NRCAM: variants seen among roughly 807,000 people sequenced by gnomAD.
NRCAM encodes the protein neuronal cell adhesion molecule, also known as NgCAM-related cell adhesion molecule.
Under a neutral mutation model 156.5 loss-of-function variants are expected in NRCAM, and 83 were observed. That is an observed-to-expected ratio of 0.53 (90% CI 0.44 to 0.64). The LOEUF (loss-of-function observed/expected upper bound fraction) is 0.64, where lower values mean the gene tolerates loss of function less well. NRCAM is among the 30% of genes least tolerant of loss of function. The pLI is 0.00. For missense variants in NRCAM, 1,417 were observed against 1,597.3 expected (o/e 0.89, Z 1.92); for synonymous variants, 538 against 563.9 (o/e 0.95, Z 0.65).
At chr7:108,345,973 G>A (rs992234139) in intron 2 of NRCAM, among the ~76,000 whole-genome samples, 8 of 152,210 alleles carry the variant, frequency 5.3e-5, no homozygotes, top group Non-Finnish European at 1.2e-4. Context: ...GGCTGTAGGA[G>A]CCTCTGATGG....
chr7:108,201,023 T>C lies in NRCAM; in HGVS notation c.1208-2924A>G, dbSNP rs573338881. ...GCAGCGAGGCATAAAAGACTATATATTGGGTACAGTGTGTACACTGCTCGG... is the reference window on the plus strand; with the variant it reads ...GCAGCGAGGCATAAAAGACTATATACTGGGTACAGTGTGTACACTGCTCGG... On this transcript the variant is annotated intron_variant, in intron 13 of 32. Coordinates refer to ENST00000379028, the MANE Select transcript of NRCAM (RefSeq NM_001037132.4). Among the ~76,000 whole-genome samples, 13 of 152,090 alleles carry C rather than the reference T, an allele frequency of 8.5e-5. No individual in the cohort carries two copies. The South Asian group carries it at 2.7e-3, about 32-fold the overall frequency.
intron 1 of NRCAM, among the ~76,000 whole-genome samples, chr7:108,419,172 G>A (rs1380043160): frequency 6.6e-6 from 1 of 152,120 alleles, no homozygotes; most frequent in African/African-American, 2.4e-5. Flanking sequence ...ACTGTTCTTA[G>A]AAGATAACGT....
chr7:108,206,584 G>A (rs555412759), intron 13 of NRCAM, among the ~76,000 whole-genome samples: 3 of 152,274 alleles, frequency 2.0e-5, no homozygotes, highest in South Asian at 2.1e-4. Flanking sequence ...TGCTCCTCTC[G>A]GCAGTAGCTG....
chr7:108,327,887 G>A (rs2099086596), intron 2 of NRCAM, among the ~76,000 whole-genome samples: 2 of 152,100 alleles, frequency 1.3e-5, no homozygotes, highest in South Asian at 4.1e-4. Flanking sequence ...CACACAAAAA[G>A]TATTATACTA....
chr7:108,228,878 T>A (rs1454336275), intron 8 of NRCAM, among the ~76,000 whole-genome samples: 2 of 152,250 alleles, frequency 1.3e-5, no homozygotes, highest in Non-Finnish European at 2.9e-5. Context: ...AGCTATATAT[T>A]TGTTTTTTAT....
At chr7:108,203,156 A>G (rs1010008588) in intron 13 of NRCAM, among the ~76,000 whole-genome samples, 1 of 152,080 alleles carries the variant, frequency 6.6e-6, no homozygotes, top group Non-Finnish European at 1.5e-5. Context: ...TAGCAAGTTC[A>G]TTTTCTTTCT....
At chr7:108,301,033 A>G (rs555919892) in intron 3 of NRCAM, among the ~76,000 whole-genome samples, 10 of 152,328 alleles carry the variant, frequency 6.6e-5, no homozygotes, top group Non-Finnish European at 1.2e-4. Flanking sequence ...TATAAATAGA[A>G]GTAAAACACT....
intron 1 of NRCAM, among the ~76,000 whole-genome samples, chr7:108,412,945 CATAG>C (rs1471939885): frequency 1.3e-5 from 2 of 152,116 alleles, no homozygotes; most frequent in African/African-American, 4.8e-5. Flanking sequence ...TCCATTCATC[CATAG>C]ATAAACACTT....
At chr7:108,159,359 G>C in intron 32 of NRCAM, 104 bp downstream of exon 32, 1 of 974,268 alleles carries the variant, frequency 1.0e-6, no homozygotes, top group East Asian at 2.4e-5. Context: ...TTCTATTTGA[G>C]GAAAATATGA....
chr7:108,277,260 TC>T (rs2097671173), intron 3 of NRCAM, among the ~76,000 whole-genome samples: 1 of 152,144 alleles, frequency 6.6e-6, no homozygotes, highest in African/African-American at 2.4e-5. Flanking sequence ...TCTCTGTATT[TC>T]CTGAATTTGA....
At chr7:108,322,324 T>C (rs1045924368) in intron 2 of NRCAM, among the ~76,000 whole-genome samples, 1 of 152,176 alleles carries the variant, frequency 6.6e-6, no homozygotes, top group Non-Finnish European at 1.5e-5. Context: ...TTTGAAGTCT[T>C]TTCATAGTAC....
chr7:108,208,277 C>T (rs1472816174), intron 12 of NRCAM, among the ~76,000 whole-genome samples: 1 of 152,054 alleles, frequency 6.6e-6, no homozygotes, highest in Admixed American at 6.6e-5. Context: ...TACACTCCAG[C>T]CTGGGCAACA....
chr7:108,298,348 C>T (rs1393543344), intron 3 of NRCAM, among the ~76,000 whole-genome samples: 1 of 151,744 alleles, frequency 6.6e-6, no homozygotes, highest in African/African-American at 2.4e-5. Context: ...ACAACCCCCT[C>T]CCCGCCAAAA....
chr7:108,224,902 C>G (rs1171430188), intron 10 of NRCAM, among the ~76,000 whole-genome samples: 3 of 152,060 alleles, frequency 2.0e-5, no homozygotes, highest in Non-Finnish European at 2.9e-5. Flanking sequence ...ATCTTGGTCA[C>G]TGATGAGACC....
At chr7:108,400,920 C>T (rs2099790721) in intron 1 of NRCAM, among the ~76,000 whole-genome samples, 2 of 152,054 alleles carry the variant, frequency 1.3e-5, no homozygotes, top group African/African-American at 4.8e-5. Context: ...TGATGAGGCT[C>T]GTGGCTCTCT....
chr7:108,240,368 T>C (rs1399718528), intron 3 of NRCAM, among the ~76,000 whole-genome samples, 198 bp from the exon 4 acceptor site: 1 of 152,174 alleles, frequency 6.6e-6, no homozygotes, highest in African/African-American at 2.4e-5. Flanking sequence ...GAGATATTAG[T>C]AGTGATATGA....
At chr7:108,193,998 A>G (rs759420457) in intron 17 of NRCAM, 26 bp downstream of exon 17, 2 of 1,607,186 alleles carry the variant, frequency 1.2e-6, no homozygotes, top group Non-Finnish European at 1.7e-6. Context: ...GAATGAAGAG[A>G]AAGTAAAGAA....
In NRCAM at chr7:108,219,879, G is replaced by C. The variant is rs573911313; in HGVS notation, c.890+3846C>G. Among the ~76,000 whole-genome samples the C allele has an allele frequency of 2.0e-5, 3 of 152,172 alleles. No homozygotes were observed. In the East Asian group the frequency reaches 5.8e-4, roughly 29 times the overall value. ...AATCAGACAAGAGAAAGAAATAAAG[G>C]GTATCCAAATTCGTAAAGAGGAAGT... On this transcript the variant is annotated intron_variant, in intron 11 of 32. Coordinates refer to ENST00000379028, the MANE Select transcript of NRCAM (RefSeq NM_001037132.4).
In NRCAM at chr7:108,234,646, T is replaced by C; in HGVS notation, c.167A>G (p.Tyr56Cys). The C allele has an allele frequency of 6.2e-6, 10 of 1,613,178 alleles. No homozygotes were observed. The highest frequency in any genetic ancestry group is 5.5e-5 in the South Asian group (5 of 91,028). ...AATATTCTCCCGAGGGTCAATAATG[T>C]AATCTTTTGGAGACTGTTGGGTGAT... ...PTITQQSPKD[Y>C]IIDPRENIVI... is the part of the protein sequence containing the mutation. The change falls in exon 6 of 33, where the codon TAC (tyrosine) becomes TGC (cysteine). Residue 56 changes from tyrosine (Y) to cysteine (C), a missense_variant. Physicochemically the swap from Tyr to Cys is radical, Grantham distance 194 (BLOSUM62 -2). Transcript: ENST00000379028.
Sources: allele counts gnomAD v4.1 joint callset (sites outside exome capture counted in the v4.1 genomes callset), GRCh38; gene constraint gnomAD v4.1.1; transcripts MANE v1.5; gene names NCBI Gene and HGNC (gene_info 2026-07-23, HGNC 2026-07-21).